The following PCNT variants were observed in gnomAD, a reference collection of about 807,000 sequenced individuals.
PCNT encodes pericentrin, also known as kendrin.
In PCNT, 319 loss-of-function variants were observed where a neutral mutation model predicts 380.4. The ratio of observed to expected loss-of-function variants is 0.84; its 90% confidence interval spans 0.77 to 0.92. The LOEUF is 0.92. PCNT is among the 40% of genes least tolerant of loss of function. The pLI is 0.00. For synonymous variants in PCNT, 1,845 were observed against 1,735.2 expected (o/e 1.06, Z -1.57); for missense variants, 4,400 against 4,255.3 (o/e 1.03, Z -0.95).
rs111389216 is a variant in PCNT at position 46,386,204 on chromosome 21, C to A, written c.3464+221C>A. Among the ~76,000 whole-genome samples, 266 of 152,294 alleles carry A rather than the reference C, an allele frequency of 1.7e-3. 2 individuals carry two copies. Among genetic ancestry groups the A allele is most frequent in the African/African-American group, 6.1e-3 (253 of 41,582 alleles). Reference sequence around the variant, plus strand: ...TGTCTCATCTCCCAGCCCCCGTGCCCTCCTCCCACCCTGCCTGCTGTGTCT... The same window carrying A: ...TGTCTCATCTCCCAGCCCCCGTGCCATCCTCCCACCCTGCCTGCTGTGTCT... On this transcript the variant is annotated intron_variant, in intron 17 of 46. Transcript: ENST00000359568.
In PCNT at chr21:46,389,350, G is replaced by A; in HGVS notation, c.3759G>A (p.Glu1253=). ...GCCCAGAAAGTGTGCGGGAGTGTGA[G>A]CAGCCCATCCGGAGGGTCTTCCAGA... ...LMSPESVREC[E]QPIRRVFQSL... Residue 1253 remains glutamate, a synonymous_variant, in exon 19 of 47, where the codon GAG becomes GAA. Coordinates refer to ENST00000359568, the MANE Select transcript of PCNT (RefSeq NM_006031.6). 2 of 1,614,242 alleles carry A rather than the reference G, an allele frequency of 1.2e-6. No individual in the cohort carries two copies. Among genetic ancestry groups the A allele is most frequent in the Non-Finnish European group, 1.7e-6 (2 of 1,180,036 alleles).
Position 46,431,709 on chromosome 21 carries a change from G to T in PCNT, c.8245G>T (p.Ala2749Ser). 1.9e-6 allele frequency: 3 copies of T among 1,612,230 alleles called. No homozygotes were observed. Among genetic ancestry groups the T allele is most frequent in the Non-Finnish European group, 2.5e-6 (3 of 1,179,688 alleles). The change falls in exon 38 of 47, where the codon GCT becomes TCT. Residue 2749 changes from alanine (A) to serine (S), a missense_variant. Physicochemically the swap from Ala to Ser is moderately conservative, Grantham distance 99. Transcript: ENST00000359568. ...CTCTGAGCTCCAGAAGGACCTTGCG[G>T]CTGAGAAGAGCCGCACCCTGGAGCT... ...QLSELQKDLA[A>S]EKSRTLELSE...
intron 16 of PCNT, among the ~76,000 whole-genome samples, chr21:46,384,705 C>T (rs534644978): frequency 1.3e-5 from 2 of 151,632 alleles, no homozygotes; most frequent in East Asian, 2.0e-4. Context: ...CGGTGTTGTG[C>T]GTTGAGCGGC....
chr21:46,416,922 T>G, intron 30 of PCNT, 83 bp downstream of exon 30: 3 of 1,415,808 alleles, frequency 2.1e-6, no homozygotes, highest in Non-Finnish European at 2.9e-6. Context: ...CATTGTTTGT[T>G]CACCTCCTGA....
intron 35 of PCNT, 89 bp from the exon 36 acceptor site, chr21:46,429,921 C>T (rs1043032026): frequency 2.7e-5 from 27 of 1,000,290 alleles, no homozygotes; most frequent in East Asian, 7.6e-5. Context: ...ATACACCTCA[C>T]GCCCCCACGA....
intron 29 of PCNT, 75 bp from the exon 30 acceptor site, chr21:46,415,994 C>A: frequency 6.9e-7 from 1 of 1,459,594 alleles, no homozygotes; most frequent in Non-Finnish European, 9.6e-7. Flanking sequence ...CTGAAATCCA[C>A]TCATTAACAC....
intron 35 of PCNT, 104 bp downstream of exon 35, chr21:46,428,694 C>T (rs1369220174): frequency 4.0e-6 from 4 of 1,009,294 alleles, no homozygotes; most frequent in Non-Finnish European, 6.0e-6. Flanking sequence ...AGGGCATCAT[C>T]TAGTCAAGCC....
At chr21:46,443,652 T>A (rs2053671143) in intron 44 of PCNT, among the ~76,000 whole-genome samples, 158 bp from the exon 45 acceptor site, 1 of 152,234 alleles carries the variant, frequency 6.6e-6, no homozygotes, top group South Asian at 2.1e-4. Flanking sequence ...TCCAAAGCTT[T>A]TAAAAAGATA....
At position 46,398,380 on chromosome 21, in the gene PCNT, C is replaced by G. The variant is rs1037950523; in HGVS notation, c.4584+125C>G. ...TGTTTGGGCTGCAGCCATCTGCTTT[C>G]TCTTGTCTGAGGAAGCTGTAGTAGG... On this transcript the variant is annotated intron_variant, in intron 24 of 46. Coordinates refer to ENST00000359568, the MANE Select transcript of PCNT (RefSeq NM_006031.6). The G allele has an allele frequency of 4.9e-6, 5 of 1,015,370 alleles. No individual in the cohort carries two copies. The South Asian group carries it at 6.9e-5, about 14-fold the overall frequency. 62.9% of individuals were successfully genotyped at this position (1,015,370 alleles called of 1,614,324 possible).
At chr21:46,440,706 A>C (rs2053585455) in intron 42 of PCNT, 149 bp from the exon 43 acceptor site, 1 of 635,534 alleles carries the variant, frequency 1.6e-6, no homozygotes, top group Non-Finnish European at 2.7e-6. Context: ...TTCTGGCCAC[A>C]GATACTGTTG....
chr21:46,436,469 G>GCCCCCCCCC lies in PCNT; in HGVS notation c.8996+321_8996+322insCCCCCCCCC, dbSNP rs769557050. On this transcript the variant is annotated intron_variant, in intron 39 of 46. Coordinates refer to ENST00000359568, the MANE Select transcript of PCNT (RefSeq NM_006031.6). The stretch of plus-strand genomic sequence containing the variant: ...CAGGGTCGGGTTTGGAGCCTCCTGT[G>GCCCCCCCCC]GCCCCCCCCCCCCCCCCCCGCTGGC... 1.5e-3 allele frequency among the ~76,000 whole-genome samples: 62 copies of GCCCCCCCCC among 40,034 alleles called. 23 individuals are homozygous for GCCCCCCCCC. Among genetic ancestry groups the GCCCCCCCCC allele is most frequent in the Non-Finnish European group, 2.6e-3 (45 of 17,222 alleles). The allele number at this position is 40,034 out of a possible 152,430, so 26.3% of individuals were successfully genotyped here.
rs754593856 is a variant in PCNT, at chr21:46,334,451, C to T, written c.322C>T (p.Gln108Ter). Residue 108 changes from glutamine to a stop codon, truncating the protein, a stop_gained, in exon 3 of 47, where the codon CAA becomes TAA. Transcript: ENST00000359568. LOFTEE classifies it high-confidence loss of function. ...REDLEQLQQKQVNDHPPEQCG... is the reference protein window; with the variant it reads ...REDLEQLQQK Reference sequence around the variant, plus strand: ...GGACTTGGAACAGCTGCAGCAGAAGCAAGTCAATGACCATCCTCCAGAGCA... The same window carrying T: ...GGACTTGGAACAGCTGCAGCAGAAGTAAGTCAATGACCATCCTCCAGAGCA... 1 of 1,614,212 alleles carries T rather than the reference C, an allele frequency of 6.2e-7. No individual in the cohort carries two copies. The highest frequency in any genetic ancestry group is 1.1e-5 in the South Asian group (1 of 91,086).
chr21:46,416,111 G>A lies in PCNT; in HGVS notation c.6193G>A (p.Asp2065Asn), dbSNP rs780368347. ...GGAAGATTGTCAGCTGCCGAAGGTC[G>A]ATCTCGTAGCTCAGGTGAAACAGCT... ...VLEDCQLPKV[D>N]LVAQVKQLQE... The change falls in exon 30 of 47, where the codon GAT (aspartate) becomes AAT (asparagine). Residue 2065 changes from aspartate (D) to asparagine (N), a missense_variant. Coordinates refer to ENST00000359568, the MANE Select transcript of PCNT (RefSeq NM_006031.6). The A allele has an allele frequency of 3.1e-6, 5 of 1,614,036 alleles. No homozygotes were observed. Among genetic ancestry groups the A allele is most frequent in the East Asian group, 2.2e-5 (1 of 44,888 alleles).
chr21:46,413,628 G>A (rs577786919), intron 29 of PCNT, among the ~76,000 whole-genome samples: 22 of 152,360 alleles, frequency 1.4e-4, no homozygotes, highest in East Asian at 1.3e-3. Flanking sequence ...TCGAGGGTTA[G>A]TCCTGGTTTG....
At chr21:46,329,412 G>T (rs1200282440) in intron 2 of PCNT, among the ~76,000 whole-genome samples, 2 of 152,158 alleles carry the variant, frequency 1.3e-5, no homozygotes, top group Non-Finnish European at 2.9e-5. Flanking sequence ...AGAGTTGTTG[G>T]TTTTTTCGTT....
At position 46,357,148 on chromosome 21, in the gene PCNT, G is replaced by A. The variant is rs2839223; in HGVS notation, c.2111G>A (p.Gly704Glu). ...AAAATAGAAAATAGAAATTTGTATG[G>A]GAAGTTGCAGCATGAAACTCGTCTG... ...LLKIENRNLY[G>E]KLQHETRLKD... Residue 704 changes from glycine (G) to glutamate (E), a missense_variant, in exon 13 of 47, where the codon GGG becomes GAG. Gly to Glu is a moderately conservative substitution (Grantham distance 98). Coordinates refer to ENST00000359568, the MANE Select transcript of PCNT (RefSeq NM_006031.6). 1,405,616 of 1,613,510 alleles carry A rather than the reference G, an allele frequency of 0.87. 613,305 individuals are homozygous for A. The highest frequency in any genetic ancestry group is 0.93 in the African/African-American group (69,537 of 75,040).
chr21:46,390,652 G>A lies in PCNT; in HGVS notation c.3841-18G>A. On this transcript the variant is annotated intron_variant, in intron 19 of 46. Coordinates refer to ENST00000359568, the MANE Select transcript of PCNT (RefSeq NM_006031.6). ...TATTTTTGATCTGGAGTTTTGATTT[G>A]CAAATGTGTTTTAACAGCTGGAAGA... 4 of 1,613,626 alleles carry A rather than the reference G, an allele frequency of 2.5e-6. No homozygotes were observed. Among genetic ancestry groups the A allele is most frequent in the Non-Finnish European group, 3.4e-6 (4 of 1,179,586 alleles).
rs34811296 is a variant in PCNT, at chr21:46,423,173, T to TA, written c.7179+1051dup. Among the ~76,000 whole-genome samples, 555 of 151,854 alleles carry TA rather than the reference T, an allele frequency of 3.7e-3. 6 individuals carry two copies. Among genetic ancestry groups the TA allele is most frequent in the African/African-American group, 0.013 (530 of 41,412 alleles). ...ACATGGAAATTGGAGATTTTTTTTTTAATCAGTTTTTTATATCTTCTTTGC... is the reference window on the plus strand; with the variant it reads ...ACATGGAAATTGGAGATTTTTTTTTTAAATCAGTTTTTTATATCTTCTTTGC... On this transcript the variant is annotated intron_variant, in intron 32 of 46. Coordinates refer to ENST00000359568, the MANE Select transcript of PCNT (RefSeq NM_006031.6).
At chr21:46,406,150 CTCCCG>C (rs1171222849) in intron 27 of PCNT, among the ~76,000 whole-genome samples, 3 of 152,210 alleles carry the variant, frequency 2.0e-5, no homozygotes, top group African/African-American at 7.2e-5. Flanking sequence ...GGAAACGGAG[CTCCCG>C]TCTCCCTGGC....
Sources: gnomAD v4.1 joint callset for allele counts (sites outside exome capture counted in the v4.1 genomes callset) on GRCh38, gnomAD v4.1.1 for gene constraint, MANE v1.5 for transcripts, NCBI Gene and HGNC (gene_info 2026-07-23, HGNC 2026-07-21) for gene names.